The following DOCK2 variants were observed in gnomAD, a reference collection of about 807,000 sequenced individuals.
The protein encoded by DOCK2 is dedicator of cytokinesis 2.
A neutral mutation model predicts 248.9 loss-of-function variants in DOCK2; 87 were observed. The observed-to-expected ratio is 0.35, with a 90% CI of 0.29 to 0.42. The LOEUF (loss-of-function observed/expected upper bound fraction) is 0.42. Ranked by LOEUF, DOCK2 falls within the 10% of genes least tolerant of loss-of-function variation. DOCK2 has a pLI of 1.00. For missense variants in DOCK2, 1,747 were observed against 2,300.2 expected, an observed-to-expected ratio of 0.76 and a Z score of 4.92; for synonymous variants, 805 against 821.6, an observed-to-expected ratio of 0.98 and a Z score of 0.35.
chr5:169,912,556 T>C (rs1313742611), intron 27 of DOCK2, among the ~76,000 whole-genome samples: 2 of 152,198 alleles, frequency 1.3e-5, no homozygotes, highest in Non-Finnish European at 2.9e-5. Flanking sequence ...CATAACTTTC[T>C]TTCCACTTAA....
rs1756499799 is a variant in DOCK2 at position 170,041,160 on chromosome 5, G to A, written c.3756+15G>A. ...GGCTTCTCAAGGTACAGTCACTTTG[G>A]GTGAAGGGCATTTATGCTGGGATCC... On this transcript the variant is annotated intron_variant, in intron 37 of 51. Transcript: ENST00000520908. 1.2e-6 allele frequency: 2 copies of A among 1,606,568 alleles called. No individual in the cohort carries two copies. Among genetic ancestry groups the A allele is most frequent in the African/African-American group, 1.3e-5 (1 of 74,820 alleles).
In DOCK2 at chr5:169,833,831, T is replaced by G. The variant is rs7711906; in HGVS notation, c.2704-6926T>G. ...ATGCAGGGATCAGACAATTCTTATT[T>G]GTGAAATCCTAGCAGTCCAAGAAGA... On this transcript the variant is annotated intron_variant, in intron 26 of 51. Coordinates refer to ENST00000520908, the MANE Select transcript of DOCK2 (RefSeq NM_004946.3). Among the ~76,000 whole-genome samples, 272 of 152,338 alleles carry G rather than the reference T, an allele frequency of 1.8e-3. 3 individuals carry two copies. The highest frequency in any genetic ancestry group is 6.4e-3 in the African/African-American group (267 of 41,574).
intron 27 of DOCK2, among the ~76,000 whole-genome samples, chr5:169,876,384 T>A (rs1308480758): frequency 6.6e-6 from 1 of 152,230 alleles, no homozygotes; most frequent in Non-Finnish European, 1.5e-5. Context: ...AACCTGAAGA[T>A]CTGATGTTCT....
intron 3 of DOCK2, among the ~76,000 whole-genome samples, chr5:169,670,183 G>A (rs757405380): frequency 3.3e-5 from 5 of 152,178 alleles, no homozygotes; most frequent in South Asian, 2.1e-4. Context: ...TCCTCGTCTC[G>A]CTTAAAGTCA....
At chr5:169,996,263 G>A in intron 30 of DOCK2, 99 bp downstream of exon 30, 1 of 1,270,866 alleles carries the variant, frequency 7.9e-7, no homozygotes, top group Non-Finnish European at 1.1e-6. Flanking sequence ...GGCCACAGAA[G>A]CTGTCCCAGT....
intron 14 of DOCK2, among the ~76,000 whole-genome samples, chr5:169,707,308 T>C (rs1004196852): frequency 6.6e-6 from 1 of 152,180 alleles, no homozygotes; most frequent in Non-Finnish European, 1.5e-5. Flanking sequence ...ACATGTGTGC[T>C]CTGTGCTCAC....
chr5:169,985,161 C>G (rs1051924440), intron 28 of DOCK2, among the ~76,000 whole-genome samples: 3 of 152,160 alleles, frequency 2.0e-5, no homozygotes, highest in Admixed American at 1.3e-4. Flanking sequence ...TCTCAGCCTC[C>G]CAAAGTGCTG....
At position 169,985,810 on chromosome 5, in the gene DOCK2, T is replaced by C. The variant is rs1326595271; in HGVS notation, c.2899-18T>C. ...CTGTAAAACAGGATGACATGTGTGC[T>C]GTGCTTCATTGTTTCAGGACTTCTT... On this transcript the variant is annotated intron_variant, in intron 28 of 51. Transcript: ENST00000520908. 2 of 1,596,790 alleles carry C rather than the reference T, an allele frequency of 1.3e-6. No homozygotes were observed. Among genetic ancestry groups the C allele is most frequent in the South Asian group, 1.1e-5 (1 of 87,992 alleles).
chr5:169,875,302 C>A (rs1027660534), intron 27 of DOCK2: 2 of 456,574 alleles, frequency 4.4e-6, no homozygotes, highest in African/African-American at 4.0e-5. Flanking sequence ...TGAAACCCAG[C>A]AACAAGTTTC....
chr5:169,654,521 C>G, intron 2 of DOCK2, 35 bp downstream of exon 2: 4 of 1,611,714 alleles, frequency 2.5e-6, no homozygotes, highest in Non-Finnish European at 3.4e-6. Context: ...GTGCTGGACC[C>G]TTGGCTGATG....
intron 26 of DOCK2, among the ~76,000 whole-genome samples, chr5:169,823,597 ATT>A (rs762672732): frequency 2.5e-4 from 38 of 152,330 alleles, no homozygotes; most frequent in Non-Finnish European, 4.9e-4. Context: ...CTCTCAATAA[ATT>A]AGGTATTGAT....
At position 170,008,522 on chromosome 5, in the gene DOCK2, C is replaced by T. The variant is rs778683108; in HGVS notation, c.3098C>T (p.Ala1033Val). The stretch of plus-strand genomic sequence containing the variant: ...CTGTGGAACAACTATTTTCATCTGG[C>T]AGTGGCTTTTATCACCCAGGATTCT... ...FQLWNNYFHL[A>V]VAFITQDSLQ... is the part of the protein sequence containing the mutation. Residue 1033 changes from alanine to valine, a missense_variant, in exon 31 of 52, where the codon GCA becomes GTA. Around this residue, in one of 4 missense-constraint regions of DOCK2, gnomAD observed 858 missense variants for 1,183.5 expected, o/e 0.72. Coordinates refer to ENST00000520908, the MANE Select transcript of DOCK2 (RefSeq NM_004946.3). The T allele has an allele frequency of 3.7e-6, 6 of 1,614,110 alleles. 1 individual carries two copies. The South Asian group carries it at 4.4e-5, about 12-fold the overall frequency.
intron 4 of DOCK2, 39 bp downstream of exon 4, chr5:169,670,636 C>G: frequency 6.2e-7 from 1 of 1,609,294 alleles, no homozygotes. Flanking sequence ...CCTCCAGTGG[C>G]TCATGGATGT....
chr5:169,936,570 T>C (rs771437502), intron 27 of DOCK2, among the ~76,000 whole-genome samples: 210 of 147,364 alleles, frequency 1.4e-3, no homozygotes, highest in Non-Finnish European at 2.6e-3. Flanking sequence ...TTGGTGATTC[T>C]CAGACTCCTT....
intron 22 of DOCK2, among the ~76,000 whole-genome samples, chr5:169,737,144 C>T (rs1028571233): frequency 2.0e-5 from 3 of 152,086 alleles, no homozygotes; most frequent in Admixed American, 6.6e-5. Context: ...GAGGAAGTAC[C>T]ATCTAAGCTG....
chr5:169,752,031 C>A (rs1763921946), intron 23 of DOCK2, among the ~76,000 whole-genome samples: 1 of 152,206 alleles, frequency 6.6e-6, no homozygotes, highest in Admixed American at 6.5e-5. Flanking sequence ...GCCAGGGATT[C>A]CCATGTGTTT....
chr5:169,974,004 G>T (rs927290261), intron 27 of DOCK2, among the ~76,000 whole-genome samples: 2 of 152,148 alleles, frequency 1.3e-5, no homozygotes, highest in African/African-American at 4.8e-5. Flanking sequence ...GAGGTGGTGA[G>T]GTGGACGATC....
Position 169,961,978 on chromosome 5 carries a change from C to CA in DOCK2, c.2800-21073dup, listed in dbSNP as rs70979150. Among the ~76,000 whole-genome samples, 167 of 74,620 alleles carry CA rather than the reference C, an allele frequency of 2.2e-3. 8 individuals carry two copies. The highest frequency in any genetic ancestry group is 0.011 in the East Asian group (25 of 2,294). The allele number at this position is 74,620 out of a possible 152,430, so 49.0% of individuals were successfully genotyped here. ...TGGGTGAAAAAGTGAGACTCTGTCC[C>CA]AAAAAAAAAAAAAAAAATGGAGAAA... On this transcript the variant is annotated intron_variant, in intron 27 of 51. Coordinates refer to ENST00000520908, the MANE Select transcript of DOCK2 (RefSeq NM_004946.3).
At chr5:169,777,775 C>T (rs7713516) in intron 25 of DOCK2, among the ~76,000 whole-genome samples, 22,223 of 152,144 alleles carry the variant, frequency 0.15, 1,735 homozygotes, top group Non-Finnish European at 0.18. Context: ...AGGCCTGGTC[C>T]TTAGTAAGGA....
Sources: allele counts gnomAD v4.1 joint callset (sites outside exome capture counted in the v4.1 genomes callset), GRCh38; gene constraint gnomAD v4.1.1; regional missense constraint gnomAD v4.1.1; transcripts MANE v1.5; gene names NCBI Gene and HGNC (gene_info 2026-07-23, HGNC 2026-07-21).